Variants in BICDL1 observed in about 807,000 individuals in gnomAD.
BICDL1 encodes BICD family-like cargo adapter 1.
A neutral mutation model predicts 76.8 loss-of-function variants in BICDL1; 20 were observed. The ratio of observed to expected loss-of-function variants is 0.26; its 90% CI spans 0.18 to 0.38. The LOEUF (loss-of-function observed/expected upper bound fraction) is 0.38, where lower values mean the gene tolerates loss of function less well. BICDL1 is among the 10% of genes least tolerant of loss of function. The pLI, the probability that BICDL1 is intolerant of heterozygous loss-of-function variation, is 1.00. For synonymous variants in BICDL1, 383 were observed against 337.1 expected (o/e 1.14, Z -1.49); for missense variants, 700 against 798.6 (o/e 0.88, Z 1.49).
chr12:120,039,212 G>A (rs955384461), intron 2 of BICDL1, among the ~76,000 whole-genome samples: 171 of 152,100 alleles, frequency 1.1e-3, no homozygotes, highest in East Asian at 5.8e-4. Flanking sequence ...CAGGAGAATC[G>A]CTTGAACCTG....
intron 2 of BICDL1, among the ~76,000 whole-genome samples, chr12:120,041,239 C>T (rs1952636729): frequency 6.6e-6 from 1 of 151,862 alleles, no homozygotes. Flanking sequence ...GGGGCAAGGG[C>T]CAAAAATCAA....
Position 120,093,677 on chromosome 12 carries a change from A to T in BICDL1, c.*516A>T. On this transcript the variant is annotated 3_prime_UTR_variant, in exon 10 of 10. Transcript: ENST00000548673. ...GGCCCAGGGTCAAAGGAGAGATGGC[A>T]GCCCCTCCCCCGCATGCATGCACCT... 1 of 169,764 alleles carries T rather than the reference A, an allele frequency of 5.9e-6. No homozygotes were observed. The highest frequency in any genetic ancestry group is 1.3e-5 in the Non-Finnish European group (1 of 77,838). The allele number at this position is 169,764 out of a possible 1,614,324, so 10.5% of individuals were successfully genotyped here. A position where few individuals can be genotyped will look rare whatever the true frequency, so the allele number is the denominator to read the frequency against.
intron 2 of BICDL1, among the ~76,000 whole-genome samples, chr12:120,023,403 C>T (rs912179251): frequency 3.9e-5 from 6 of 152,114 alleles, no homozygotes; most frequent in African/African-American, 1.4e-4. Flanking sequence ...TTAACTCTAT[C>T]CCATAATAAA....
intron 8 of BICDL1, among the ~76,000 whole-genome samples, chr12:120,084,940 CT>C (rs58598317): frequency 0.058 from 8,787 of 151,906 alleles, 519 homozygotes; most frequent in African/African-American, 0.15. Flanking sequence ...TCCACACACA[CT>C]TTCCCCCTCC....
intron 2 of BICDL1, among the ~76,000 whole-genome samples, chr12:120,027,249 C>T: frequency 6.6e-6 from 1 of 151,698 alleles, no homozygotes; most frequent in Non-Finnish European, 1.5e-5. Context: ...CAAGGCTGGT[C>T]TCGAACTCAT....
At chr12:120,037,962 A>G (rs1321693004) in intron 2 of BICDL1, among the ~76,000 whole-genome samples, 1 of 152,226 alleles carries the variant, frequency 6.6e-6, no homozygotes, top group Admixed American at 6.5e-5. Context: ...TAGAGAAACA[A>G]GAAAACAGAT....
intron 2 of BICDL1, among the ~76,000 whole-genome samples, chr12:120,033,165 C>G (rs1159029070): frequency 6.6e-6 from 1 of 152,056 alleles, no homozygotes; most frequent in Non-Finnish European, 1.5e-5. Context: ...TAATTCAAGT[C>G]AAATTTAAAT....
At chr12:119,993,210 G>C (rs567101959) in intron 1 of BICDL1, 1 of 151,394 alleles carries the variant, frequency 6.6e-6, no homozygotes, top group Non-Finnish European at 1.5e-5. Flanking sequence ...TGATCCGCCT[G>C]CCTCGGCCTC....
chr12:120,049,509 T>C (rs1052138581), intron 2 of BICDL1, among the ~76,000 whole-genome samples: 4 of 152,258 alleles, frequency 2.6e-5, no homozygotes, highest in African/African-American at 9.6e-5. Context: ...TCTTTTATCT[T>C]CTTTTTCAGA....
intron 2 of BICDL1, among the ~76,000 whole-genome samples, chr12:120,042,226 C>T (rs1952656504): frequency 6.6e-6 from 1 of 152,030 alleles, no homozygotes; most frequent in Admixed American, 6.6e-5. Flanking sequence ...TTATAAATAT[C>T]AGCTCATCTC....
In BICDL1 at chr12:120,019,847, G is replaced by A. The variant is rs1345309427; in HGVS notation, c.645+21111G>A. ...ATACAACCCAAGAACAAAAATAGTA[G>A]CACCTTAGTATTTAGCAAGAGAGGC... is the stretch of plus-strand genomic sequence containing the variant. On this transcript the variant is annotated intron_variant, in intron 2 of 9. Coordinates refer to ENST00000548673, the MANE Select transcript of BICDL1 (RefSeq NM_001367886.1). Among the ~76,000 whole-genome samples the A allele has an allele frequency of 5.9e-5, 9 of 152,162 alleles. No individual in the cohort carries two copies. In the East Asian group the frequency reaches 1.7e-3, roughly 29 times the overall value.
At chr12:120,020,131 T>C (rs1408199655) in intron 2 of BICDL1, among the ~76,000 whole-genome samples, 1 of 152,192 alleles carries the variant, frequency 6.6e-6, no homozygotes, top group Non-Finnish European at 1.5e-5. Flanking sequence ...TAACCAGGGC[T>C]CTCTGGAGAA....
chr12:120,082,615 CTTTG>C (rs1228063145), intron 8 of BICDL1, among the ~76,000 whole-genome samples: 1 of 151,972 alleles, frequency 6.6e-6, no homozygotes, highest in Non-Finnish European at 1.5e-5. Context: ...CAGGGTCTCT[CTTTG>C]TCACCCAGGC....
At chr12:120,017,560 C>G (rs1045188148) in intron 2 of BICDL1, among the ~76,000 whole-genome samples, 17 of 152,118 alleles carry the variant, frequency 1.1e-4, no homozygotes, top group Admixed American at 9.8e-4. Flanking sequence ...CAAGACCCGT[C>G]TCTGCAAAAA....
chr12:120,013,658 T>C (rs1453178312), intron 2 of BICDL1, among the ~76,000 whole-genome samples: 1 of 152,016 alleles, frequency 6.6e-6, no homozygotes, highest in Non-Finnish European at 1.5e-5. Flanking sequence ...GACAGGGTTT[T>C]GCCATGTTGA....
chr12:120,033,577 T>A (rs1358031195), intron 2 of BICDL1, among the ~76,000 whole-genome samples: 1 of 151,918 alleles, frequency 6.6e-6, no homozygotes, highest in Non-Finnish European at 1.5e-5. Flanking sequence ...GAGACAGGGT[T>A]TCACCGTGTT....
Position 119,989,662 on chromosome 12 carries a change from CG to C in BICDL1, c.-202del, listed in dbSNP as rs1951469608. 6.8e-6 allele frequency among the ~76,000 whole-genome samples: 1 copy of C among 147,594 alleles called. No individual in the cohort carries two copies. Among genetic ancestry groups the C allele is most frequent in the African/African-American group, 2.5e-5 (1 of 40,718 alleles). ...CCGCGCGCGCCTGAGCAGCTGAGCC[CG>C]GGGGCGGGGGAGGGGGCGCGTGCCG... On this transcript the variant is annotated 5_prime_UTR_variant, in exon 1 of 10. Transcript: ENST00000548673.
intron 2 of BICDL1, among the ~76,000 whole-genome samples, chr12:120,007,188 A>G (rs1325401643): frequency 6.6e-6 from 1 of 152,162 alleles, no homozygotes; most frequent in African/African-American, 2.4e-5. Flanking sequence ...GGAAAGAGGG[A>G]TAGGTTGGAA....
At chr12:120,046,976 C>T (rs752325580) in intron 2 of BICDL1, among the ~76,000 whole-genome samples, 1 of 152,116 alleles carries the variant, frequency 6.6e-6, no homozygotes, top group Non-Finnish European at 1.5e-5. Flanking sequence ...AACATTTGTC[C>T]TTTTTTCTTT....
Sources: allele counts gnomAD v4.1 joint callset (sites outside exome capture counted in the v4.1 genomes callset), GRCh38; gene constraint gnomAD v4.1.1; transcripts MANE v1.5; gene names NCBI Gene and HGNC (gene_info 2026-07-23, HGNC 2026-07-21).